NDUFAF1: variants seen among roughly 807,000 people sequenced by gnomAD.
The protein encoded by NDUFAF1 is NADH:ubiquinone oxidoreductase complex assembly factor 1.
NDUFAF1 carries 18 observed loss-of-function variants against 28.7 expected under a neutral mutation model. The observed-to-expected ratio is 0.63, with a 90% CI of 0.43 to 0.93. NDUFAF1 has a LOEUF of 0.93. NDUFAF1 is among the 40% of genes least tolerant of loss of function. The probability of loss-of-function intolerance (pLI) is 0.00; values close to 1 mark genes in which losing one functional copy is unlikely to be tolerated. For synonymous variants in NDUFAF1, 113 were observed against 139.7 expected (o/e 0.81, Z 1.35); for missense variants, 404 against 398.3 (o/e 1.01, Z -0.12).
intron 1 of NDUFAF1, among the ~76,000 whole-genome samples, chr15:41,400,428 A>G (rs1196094999): frequency 6.6e-6 from 1 of 151,072 alleles, no homozygotes; most frequent in Non-Finnish European, 1.5e-5. Context: ...ACGAGTCTCT[A>G]ACTCCTGGGT....
rs2140934599 is a variant in NDUFAF1 at position 41,402,421 on chromosome 15, C to A, written c.-359G>T. The A allele has an allele frequency of 2.3e-6, 1 of 438,610 alleles. No individual in the cohort carries two copies. The highest frequency in any genetic ancestry group is 2.0e-5 in the African/African-American group (1 of 49,718). The allele number at this position is 438,610 out of a possible 1,614,324, so 27.2% of individuals were successfully genotyped here. Reference sequence around the variant, plus strand: ...GTCGCCTCCCCACACCCGGGACACACCAACCGCCGGCCTGCCGCCGCTTAC... The same window carrying A: ...GTCGCCTCCCCACACCCGGGACACAACAACCGCCGGCCTGCCGCCGCTTAC... On this transcript the variant is annotated 5_prime_UTR_variant, in exon 1 of 5. Coordinates refer to ENST00000260361, the MANE Select transcript of NDUFAF1 (RefSeq NM_016013.4).
upstream of NDUFAF1, among the ~76,000 whole-genome samples, chr15:41,402,921 G>C (rs373189942): frequency 1.2e-3 from 181 of 151,606 alleles, 8 homozygotes; most frequent in South Asian, 0.035. Flanking sequence ...TAGTAGAGAC[G>C]GGGTTTCACC....
upstream of NDUFAF1, among the ~76,000 whole-genome samples, chr15:41,402,915 A>C (rs1273679757): frequency 6.6e-6 from 1 of 151,638 alleles, no homozygotes; most frequent in African/African-American, 2.4e-5. Flanking sequence ...TATTTTTAGT[A>C]GAGACGGGGT....
At position 41,402,039 on chromosome 15, in the gene NDUFAF1, A is replaced by C. The variant is rs999827965; in HGVS notation, c.-82+105T>G. 4 of 250,462 alleles carry C rather than the reference A, an allele frequency of 1.6e-5. No homozygotes were observed. The East Asian group carries it at 3.3e-4, about 21-fold the overall frequency. 15.5% of individuals were successfully genotyped at this position (250,462 alleles called of 1,614,324 possible). ...TTTTCTACCAGTAAACAGAAAATCT[A>C]AACTATTAACTGGACAATACCGCCC... On this transcript the variant is annotated intron_variant, in intron 1 of 4. Transcript: ENST00000260361.
chr15:41,394,996 G>A lies in NDUFAF1; in HGVS notation c.622C>T (p.Leu208=), dbSNP rs1487903987. The change falls in exon 3 of 5, where the codon CTG becomes TTG. Residue 208 remains leucine (L), a synonymous_variant. Coordinates refer to ENST00000260361, the MANE Select transcript of NDUFAF1 (RefSeq NM_016013.4). ...CCATCCCCACGTACACGGAGATACA[G>A]AGTATTGAACTGGGACCAATCGTAA... ...MSYDWSQFNT[L]YLRVRGDGRP... 1 of 1,614,148 alleles carries A rather than the reference G, an allele frequency of 6.2e-7. No homozygotes were observed. Among genetic ancestry groups the A allele is most frequent in the African/African-American group, 1.3e-5 (1 of 75,046 alleles).
intron 4 of NDUFAF1, among the ~76,000 whole-genome samples, chr15:41,388,144 G>C (rs544359493): frequency 9.2e-5 from 14 of 152,222 alleles, no homozygotes; most frequent in Admixed American, 7.9e-4. Context: ...CGACATGAAT[G>C]CCTAATGGAG....
intron 3 of NDUFAF1, among the ~76,000 whole-genome samples, chr15:41,393,719 G>T (rs66538814): frequency 0.42 from 63,657 of 151,002 alleles, 15,179 homozygotes; most frequent in African/African-American, 0.66. Flanking sequence ...TAGCTGGGAC[G>T]ACGCCACCAC....
At chr15:41,392,979 G>A (rs1361693149) in intron 3 of NDUFAF1, among the ~76,000 whole-genome samples, 1 of 152,104 alleles carries the variant, frequency 6.6e-6, no homozygotes, top group Non-Finnish European at 1.5e-5. Context: ...TAGAAGAGAT[G>A]GCTAGAAATG....
In NDUFAF1 at chr15:41,402,026, A is replaced by G. The variant is rs577172916; in HGVS notation, c.-82+118T>C. The G allele has an allele frequency of 8.9e-5, 23 of 257,030 alleles. No homozygotes were observed. In the East Asian group the frequency reaches 1.9e-3, roughly 21 times the overall value. 15.9% of individuals were successfully genotyped at this position (257,030 alleles called of 1,614,324 possible). On this transcript the variant is annotated intron_variant, in intron 1 of 4. Transcript: ENST00000260361. ...GTTTCATTTTTTTTTTTCTACCAGT[A>G]AACAGAAAATCTAAACTATTAACTG...
chr15:41,395,666 G>T (rs1322848560), intron 2 of NDUFAF1, among the ~76,000 whole-genome samples: 3 of 122,248 alleles, frequency 2.5e-5, no homozygotes, highest in African/African-American at 6.1e-5. Context: ...CACTGCGCCC[G>T]GCCTTTTTTT....
At chr15:41,397,664 T>C (rs2050408236) in intron 1 of NDUFAF1, among the ~76,000 whole-genome samples, 1 of 150,880 alleles carries the variant, frequency 6.6e-6, no homozygotes, top group East Asian at 1.9e-4. Context: ...CCGGGTGTGG[T>C]GGCGGGCGCC....
At chr15:41,394,153 C>T (rs529229098) in intron 3 of NDUFAF1, 21 of 438,702 alleles carry the variant, frequency 4.8e-5, no homozygotes, top group African/African-American at 2.8e-4. Flanking sequence ...CTTAGCCTCC[C>T]GAGTAGCTGG....
chr15:41,396,714 C>A lies in NDUFAF1; in HGVS notation c.346G>T (p.Val116Phe), dbSNP rs2050393285. The A allele has an allele frequency of 5.0e-6, 8 of 1,614,060 alleles. No homozygotes were observed. Among genetic ancestry groups the A allele is most frequent in the South Asian group, 1.1e-5 (1 of 91,094 alleles). Residue 116 changes from valine (V) to phenylalanine (F), a missense_variant, in exon 2 of 5, where the codon GTC becomes TTC. Transcript: ENST00000260361. ...ACAACCTTGGCTTGTTCCAGCAAGA[C>A]CTCATGCAGAGGGTGGCCTTCCGGT... ...RGPEGHPLHEVLLEQAKVVWQ... is the reference protein window; with the variant it reads ...RGPEGHPLHEFLLEQAKVVWQ...
At chr15:41,401,296 A>C in intron 1 of NDUFAF1, among the ~76,000 whole-genome samples, 1 of 91,880 alleles carries the variant, frequency 1.1e-5, no homozygotes, top group South Asian at 3.6e-4. Flanking sequence ...TTTGAGATGG[A>C]GTCTCGCTCT....
At chr15:41,397,204 C>A in intron 1 of NDUFAF1, 64 bp from the exon 2 acceptor site, 1 of 647,642 alleles carries the variant, frequency 1.5e-6, no homozygotes, top group South Asian at 1.9e-5. Context: ...ATTTCAAATT[C>A]AACAGAAATC....
intron 1 of NDUFAF1, among the ~76,000 whole-genome samples, chr15:41,401,391 C>G (rs1023049124): frequency 6.6e-6 from 1 of 151,232 alleles, no homozygotes; most frequent in Non-Finnish European, 1.5e-5. Context: ...CTGCCTCTGC[C>G]TCCCGAGTGG....
Position 41,395,064 on chromosome 15 carries a change from G to C in NDUFAF1, c.574-20C>G. The C allele has an allele frequency of 6.2e-7, 1 of 1,610,088 alleles. No individual in the cohort carries two copies. The highest frequency in any genetic ancestry group is 2.2e-5 in the East Asian group (1 of 44,790). ...AGCACCCTAAGATATTGAAAGTAAAGTTCATTGTACCTCATTCTCCATTAT... is the reference window on the plus strand; with the variant it reads ...AGCACCCTAAGATATTGAAAGTAAACTTCATTGTACCTCATTCTCCATTAT... On this transcript the variant is annotated intron_variant, in intron 2 of 4. Transcript: ENST00000260361.
intron 2 of NDUFAF1, 35 bp from the exon 3 acceptor site, chr15:41,395,079 T>C (rs751958716): frequency 6.3e-7 from 1 of 1,591,558 alleles, no homozygotes; most frequent in Non-Finnish European, 8.6e-7. Context: ...TTGTACCTCA[T>C]TCTCCATTAT....
At position 41,394,975 on chromosome 15, in the gene NDUFAF1, C is replaced by T. The variant is rs866015009; in HGVS notation, c.643G>A (p.Asp215Asn). Residue 215 changes from aspartate to asparagine, a missense_variant, in exon 3 of 5, where the codon GAT (aspartate) becomes AAT (asparagine). By Grantham distance (23) the Asp-to-Asn change is conservative. Transcript: ENST00000260361. ...ATATTCACCATCCAAGGCCGACCAT[C>T]CCCACGTACACGGAGATACAGAGTA... is the stretch of plus-strand genomic sequence containing the variant. ...FNTLYLRVRG[D>N]GRPWMVNIKE... 3.1e-6 allele frequency: 5 copies of T among 1,614,156 alleles called. No individual in the cohort carries two copies. The Admixed American group carries it at 8.3e-5, about 27-fold the overall frequency.
Sources: allele counts gnomAD v4.1 joint callset (sites outside exome capture counted in the v4.1 genomes callset), GRCh38; gene constraint gnomAD v4.1.1; transcripts MANE v1.5; gene names NCBI Gene and HGNC (gene_info 2026-07-23, HGNC 2026-07-21).